NBEA: variants seen among roughly 807,000 people sequenced by gnomAD.
NBEA encodes lysosomal-trafficking regulator 2.
Under a neutral mutation model 343.4 loss-of-function variants are expected in NBEA, and 44 were observed. The observed-to-expected ratio is 0.13, with a 90% CI of 0.10 to 0.16. NBEA has a LOEUF of 0.16. Ranked by LOEUF, NBEA falls within the 10% of genes least tolerant of loss-of-function variation. The probability of loss-of-function intolerance (pLI) is 1.00; values close to 1 mark genes in which losing one functional copy is unlikely to be tolerated. For synonymous variants in NBEA, 1,175 were observed against 1,238.7 expected (o/e 0.95, Z 1.08); for missense variants, 2,555 against 3,631.3 (o/e 0.70, Z 7.62).
chr13:35,476,641 G>T (rs1006867182), intron 41 of NBEA: 1 of 507,172 alleles, frequency 2.0e-6, no homozygotes, highest in Non-Finnish European at 3.4e-6. Context: ...GTGTGTCCGG[G>T]GTGAGTGTGC....
chr13:35,523,030 A>G (rs2077792584), intron 41 of NBEA, among the ~76,000 whole-genome samples: 2 of 152,198 alleles, frequency 1.3e-5, no homozygotes, highest in South Asian at 4.1e-4. Flanking sequence ...TAGAAAGGAA[A>G]TGACAAGAAT....
chr13:35,593,742 C>T (rs1427122499), intron 47 of NBEA, among the ~76,000 whole-genome samples: 2 of 152,068 alleles, frequency 1.3e-5, no homozygotes, highest in East Asian at 3.9e-4. Context: ...GCTGTTAACT[C>T]AATATTTGGT....
At chr13:35,299,262 A>T (rs1019965913) in intron 35 of NBEA, among the ~76,000 whole-genome samples, 1 of 152,138 alleles carries the variant, frequency 6.6e-6, no homozygotes, top group East Asian at 1.9e-4. Flanking sequence ...TAATTTTTTT[A>T]TATATTCAAA....
At chr13:35,091,113 C>G (rs927706489) in intron 10 of NBEA, among the ~76,000 whole-genome samples, 7 of 151,928 alleles carry the variant, frequency 4.6e-5, no homozygotes, top group Non-Finnish European at 1.0e-4. Context: ...CAATGGAAGG[C>G]TATAGAAGCC....
At chr13:35,261,408 T>A (rs1038075414) in intron 34 of NBEA, among the ~76,000 whole-genome samples, 2 of 151,886 alleles carry the variant, frequency 1.3e-5, no homozygotes, top group Non-Finnish European at 2.9e-5. Context: ...CTGCTAGGGA[T>A]GCTGAGGCAG....
In NBEA at chr13:35,345,622, T is replaced by A. The variant is rs563286473; in HGVS notation, c.5904-3486T>A. ...AAGACTGAGAAAGGAGACCAGTGTG[T>A]TAACCCAGGGTCACACATCTTTGAC... On this transcript the variant is annotated intron_variant, in intron 36 of 58. Coordinates refer to ENST00000379939, the MANE Select transcript of NBEA (RefSeq NM_001385012.1). 6.6e-5 allele frequency among the ~76,000 whole-genome samples: 10 copies of A among 152,170 alleles called. No individual in the cohort carries two copies. In the East Asian group the frequency reaches 1.7e-3, roughly 27 times the overall value.
chr13:35,421,880 T>C (rs1193939768), intron 38 of NBEA, among the ~76,000 whole-genome samples: 1 of 152,118 alleles, frequency 6.6e-6, no homozygotes, highest in East Asian at 1.9e-4. Flanking sequence ...AAATATATTG[T>C]CATTCTGTTT....
At chr13:35,225,408 A>C (rs796480135) in intron 33 of NBEA, among the ~76,000 whole-genome samples, 1 of 152,114 alleles carries the variant, frequency 6.6e-6, no homozygotes, top group Non-Finnish European at 1.5e-5. Flanking sequence ...TCTTTCTCTC[A>C]AATGCATAAG....
chr13:35,541,730 G>GTGTGTGTGTGTGTGTA lies in NBEA; in HGVS notation c.6586-8732_6586-8731insATGTGTGTGTGTGTGT, dbSNP rs1314762543. Reference sequence around the variant, plus strand: ...TAGAACCAGAGGTCTGCATGGGTGTGTGTGTGTGTGTGTGTGTGTGTGTGT... The same window carrying GTGTGTGTGTGTGTGTA: ...TAGAACCAGAGGTCTGCATGGGTGTGTGTGTGTGTGTGTGTATGTGTGTGTGTGTGTGTGTGTGTGT... On this transcript the variant is annotated intron_variant, in intron 41 of 58. Coordinates refer to ENST00000379939, the MANE Select transcript of NBEA (RefSeq NM_001385012.1). Among the ~76,000 whole-genome samples, 3 of 101,856 alleles carry GTGTGTGTGTGTGTGTA rather than the reference G, an allele frequency of 2.9e-5. No individual in the cohort carries two copies. In the East Asian group the frequency reaches 1.2e-3, roughly 42 times the overall value. 66.8% of individuals were successfully genotyped at this position (101,856 alleles called of 152,430 possible). A position where few individuals can be genotyped will look rare whatever the true frequency, so the allele number is the denominator to read the frequency against.
intron 8 of NBEA, among the ~76,000 whole-genome samples, chr13:35,065,456 C>T (rs1384011402): frequency 1.3e-5 from 2 of 151,792 alleles, no homozygotes; most frequent in African/African-American, 4.8e-5. Context: ...GTTAATTTCT[C>T]AGGTATGTGG....
intron 40 of NBEA, among the ~76,000 whole-genome samples, chr13:35,456,241 C>A (rs1290960643): frequency 6.6e-6 from 1 of 151,892 alleles, no homozygotes; most frequent in Non-Finnish European, 1.5e-5. Flanking sequence ...AAATGTCATA[C>A]AATTTTATGT....
intron 1 of NBEA, among the ~76,000 whole-genome samples, chr13:35,029,755 C>T (rs1056979150): frequency 6.6e-6 from 1 of 151,596 alleles, no homozygotes; most frequent in Admixed American, 6.6e-5. Context: ...AACCTCAGTG[C>T]TCTTAGAAGA....
intron 47 of NBEA, among the ~76,000 whole-genome samples, chr13:35,594,983 A>G (rs1057133059): frequency 1.3e-5 from 2 of 151,136 alleles, no homozygotes; most frequent in African/African-American, 4.9e-5. Flanking sequence ...ACACACACAC[A>G]CACACACAAA....
chr13:35,262,505 A>AT (rs2152799034), intron 34 of NBEA, among the ~76,000 whole-genome samples: 1 of 152,336 alleles, frequency 6.6e-6, no homozygotes, highest in South Asian at 2.1e-4. Context: ...CACACTTATA[A>AT]ACCTGACTAT....
chr13:35,342,100 G>A (rs886438570), intron 36 of NBEA, among the ~76,000 whole-genome samples: 2 of 152,048 alleles, frequency 1.3e-5, no homozygotes, highest in African/African-American at 2.4e-5. Context: ...CCTGAAAGAA[G>A]CCAGACACAT....
chr13:35,192,018 C>T (rs2072237181), intron 30 of NBEA, among the ~76,000 whole-genome samples: 1 of 152,032 alleles, frequency 6.6e-6, no homozygotes, highest in South Asian at 2.1e-4. Flanking sequence ...AAAGAGACAT[C>T]TGGCATCCAA....
chr13:35,595,329 A>G (rs1051102397), intron 47 of NBEA, among the ~76,000 whole-genome samples: 2 of 152,062 alleles, frequency 1.3e-5, no homozygotes, highest in East Asian at 1.9e-4. Context: ...TGTACTGAAC[A>G]CAAACATGCA....
chr13:35,393,020 A>G (rs948700560), intron 38 of NBEA, among the ~76,000 whole-genome samples: 5 of 152,276 alleles, frequency 3.3e-5, no homozygotes, highest in Non-Finnish European at 5.9e-5. Context: ...TCGGAGTCCT[A>G]TTCAGTAATT....
At position 35,060,418 on chromosome 13, in the gene NBEA, T is replaced by C. The variant is rs137938237; in HGVS notation, c.1239+1555T>C. On this transcript the variant is annotated intron_variant, in intron 8 of 58. Coordinates refer to ENST00000379939, the MANE Select transcript of NBEA (RefSeq NM_001385012.1). ...TCATTCTTTTTAACAGCAGTGATAA[T>C]GAGCAGTAACCCTGTCATCATGTGT... Among the ~76,000 whole-genome samples, 9 of 151,940 alleles carry C rather than the reference T, an allele frequency of 5.9e-5. No homozygotes were observed. The East Asian group carries it at 1.5e-3, about 26-fold the overall frequency.
Sources: allele counts gnomAD v4.1 joint callset (sites outside exome capture counted in the v4.1 genomes callset), GRCh38; gene constraint gnomAD v4.1.1; transcripts MANE v1.5; gene names NCBI Gene and HGNC (gene_info 2026-07-23, HGNC 2026-07-21).